The following ZNF701 variants were observed in gnomAD, a reference collection of about 807,000 sequenced individuals.
ZNF701 encodes zinc finger protein 701.
In ZNF701, 6 loss-of-function variants were observed where a neutral mutation model predicts 7.1. The ratio of observed to expected loss-of-function variants is 0.84; its 90% CI spans 0.46 to 1.66. The LOEUF (loss-of-function observed/expected upper bound fraction) is 1.66, where lower values mean the gene tolerates loss of function less well. Ranked by LOEUF, ZNF701 falls within the 40% of genes most tolerant of loss-of-function variation. The pLI is 0.01. For synonymous variants in ZNF701, 166 were observed against 188.2 expected (o/e 0.88, Z 0.97); for missense variants, 541 against 559.2 (o/e 0.97, Z 0.33).
At chr19:52,595,574 A>T in the ZNF701 span, 2 of 861,792 alleles carry the variant, frequency 2.3e-6, 1 homozygote, top group South Asian at 3.4e-5. Flanking sequence ...CTGGCCTACC[A>T]TCTGTACTTA....
At chr19:52,581,350 G>A (rs2146991970) in intron 3 of ZNF701, among the ~76,000 whole-genome samples, 1 of 152,182 alleles carries the variant, frequency 6.6e-6, no homozygotes. Flanking sequence ...CTCCCAAGTA[G>A]CTTGGATTAC....
At chr19:52,593,879 G>A in the ZNF701 span, among the ~76,000 whole-genome samples, 6 of 115,672 alleles carry the variant, frequency 5.2e-5, 1 homozygote, top group Non-Finnish European at 9.3e-5. Flanking sequence ...GACGATGGGC[G>A]GCCAGGCAGA....
At chr19:52,571,878 C>T (rs1479440898) in intron 1 of ZNF701, among the ~76,000 whole-genome samples, 1 of 151,892 alleles carries the variant, frequency 6.6e-6, no homozygotes, top group Admixed American at 6.6e-5. Context: ...TGCTGGAGTG[C>T]AATGGTGCGA....
intron 1 of ZNF701, chr19:52,572,537 G>A (rs1342586963): frequency 1.9e-6 from 1 of 534,810 alleles, no homozygotes; most frequent in Non-Finnish European, 2.9e-6. Flanking sequence ...GTTTTGATAA[G>A]GCCAACCCTT....
chr19:52,597,584 G>C, the ZNF701 span: 1 of 362,560 alleles, frequency 2.8e-6, no homozygotes, highest in South Asian at 2.1e-5. Flanking sequence ...GCTCATGCCT[G>C]TAATCCCAGC....
intron 1 of ZNF701, 90 bp from the exon 2 acceptor site, chr19:52,573,987 C>G: frequency 7.4e-7 from 1 of 1,356,464 alleles, no homozygotes. Context: ...CATATTTTTT[C>G]AGAGTGAGGG....
At chr19:52,597,185 C>G in the ZNF701 span, 1 of 578,944 alleles carries the variant, frequency 1.7e-6, no homozygotes, top group Non-Finnish European at 3.4e-6. Flanking sequence ...AATATCATGA[C>G]TGTGGCAAGG....
Position 52,583,272 on chromosome 19 carries a change from A to G in ZNF701, c.1213A>G (p.Thr405Ala). ...SSLVMHKVIH[T>A]GEKRYKCNEC... ...TCTTGTAATGCATAAGGTCATTCAT[A>G]CTGGAGAGAAACGTTACAAGTGTAA... Residue 405 changes from threonine to alanine, a missense_variant, in exon 4 of 4, where the codon ACT (threonine) becomes GCT (alanine). Transcript: ENST00000391785. 1.2e-6 allele frequency: 2 copies of G among 1,613,836 alleles called. No individual in the cohort carries two copies. Among genetic ancestry groups the G allele is most frequent in the African/African-American group, 2.7e-5 (2 of 74,992 alleles).
chr19:52,595,830 T>G, the ZNF701 span: 1 of 1,611,272 alleles, frequency 6.2e-7, no homozygotes, highest in East Asian at 2.2e-5. Context: ...ACCAAAGAGT[T>G]GACAGGTAGT....
At position 52,583,942 on chromosome 19, in the gene ZNF701, A is replaced by G. The variant is rs1313730505; in HGVS notation, c.*485A>G. ...TTGCAGTTCATTGGCGATCTTATACAGGAGAGAAATCTTACAAATGTGATG... is the reference window on the plus strand; with the variant it reads ...TTGCAGTTCATTGGCGATCTTATACGGGAGAGAAATCTTACAAATGTGATG... On this transcript the variant is annotated 3_prime_UTR_variant, in exon 4 of 4. Coordinates refer to ENST00000391785, the MANE Select transcript of ZNF701 (RefSeq NM_018260.3). 2 of 402,160 alleles carry G rather than the reference A, an allele frequency of 5.0e-6. No individual in the cohort carries two copies. Among genetic ancestry groups the G allele is most frequent in the South Asian group, 2.0e-5 (1 of 50,598 alleles). The allele number at this position is 402,160 out of a possible 1,614,324, so 24.9% of individuals were successfully genotyped here.
chr19:52,590,539 C>T (rs1254107304), downstream of ZNF701, among the ~76,000 whole-genome samples: 2 of 152,254 alleles, frequency 1.3e-5, no homozygotes, highest in Middle Eastern at 3.4e-3. Context: ...TCATTTTCTT[C>T]ATGCATTGCT....
Position 52,583,470 on chromosome 19 carries a change from G to A in ZNF701, c.*13G>A. 1 of 1,609,392 alleles carries A rather than the reference G, an allele frequency of 6.2e-7. No individual in the cohort carries two copies. The highest frequency in any genetic ancestry group is 8.5e-7 in the Non-Finnish European group (1 of 1,177,338). ...AAAGAAATCTTAGAAGTGTAAATTT[G>A]CAAGGTTTTTAGGCAACAGTCAAAC... On this transcript the variant is annotated 3_prime_UTR_variant, in exon 4 of 4. Coordinates refer to ENST00000391785, the MANE Select transcript of ZNF701 (RefSeq NM_018260.3).
rs329936 is a variant in ZNF701, at chr19:52,585,315, C to T, written c.*1858C>T. On this transcript the variant is annotated 3_prime_UTR_variant, in exon 4 of 4. Transcript: ENST00000391785. ...GAGGGCAGCGCTGCAGCCCCACTCC[C>T]GGGAAGGCCGCGTCCTCTGCCTGGT... 15,406 of 152,450 alleles carry T rather than the reference C, an allele frequency of 0.1. 1,893 individuals are homozygous for T. Among genetic ancestry groups the T allele is most frequent in the African/African-American group, 0.3 (12,379 of 41,408 alleles). 9.4% of individuals were successfully genotyped at this position (152,450 alleles called of 1,614,324 possible). A position where few individuals can be genotyped will look rare whatever the true frequency, so the allele number is the denominator to read the frequency against.
At chr19:52,596,984 C>T in the ZNF701 span, 1 of 882,192 alleles carries the variant, frequency 1.1e-6, no homozygotes, top group Non-Finnish European at 1.8e-6. Flanking sequence ...ATCAAGCAAT[C>T]CATGGTGTAG....
Position 52,571,383 on chromosome 19 carries a change from A to G in ZNF701, c.-72+1053A>G, listed in dbSNP as rs372751604. ...AGAGTGGGGACGGGGGGTAAAACAG[A>G]GAAGAGAGAATTTAACAGGGAGAGC... On this transcript the variant is annotated intron_variant, in intron 1 of 3. Coordinates refer to ENST00000391785, the MANE Select transcript of ZNF701 (RefSeq NM_018260.3). Among the ~76,000 whole-genome samples the G allele has an allele frequency of 6.9e-4, 105 of 152,148 alleles. 1 individual carries two copies. The highest frequency in any genetic ancestry group is 2.1e-3 in the South Asian group (10 of 4,818).
the ZNF701 span, chr19:52,595,643 T>A: frequency 8.3e-7 from 1 of 1,203,558 alleles, no homozygotes; most frequent in South Asian, 1.5e-5. Context: ...CATGATGGAG[T>A]TCTCATCAAC....
At chr19:52,581,392 G>T (rs182322231) in intron 3 of ZNF701, among the ~76,000 whole-genome samples, 39 of 152,124 alleles carry the variant, frequency 2.6e-4, no homozygotes, top group African/African-American at 8.9e-4. Flanking sequence ...GCTACTTTTT[G>T]TATGTTTAGT....
chr19:52,598,589 G>A, the ZNF701 span: 1 of 152,168 alleles, frequency 6.6e-6, no homozygotes, highest in African/African-American at 2.4e-5. Flanking sequence ...ACTCCCAGGA[G>A]TGGAGGATAA....
chr19:52,582,307 G>A lies in ZNF701; in HGVS notation c.248G>A (p.Gly83Glu), dbSNP rs761895707. ...TLQIHASHHI[G>E]DTCFQEIEKD... ...CAAATACATGCAAGTCATCACATTG[G>A]AGATACTTGCTTCCAGGAAATTGAG... Residue 83 changes from glycine to glutamate, a missense_variant, in exon 4 of 4, where the codon GGA (glycine) becomes GAA (glutamate). Coordinates refer to ENST00000391785, the MANE Select transcript of ZNF701 (RefSeq NM_018260.3). The A allele has an allele frequency of 6.2e-7, 1 of 1,614,028 alleles. No individual in the cohort carries two copies. The highest frequency in any genetic ancestry group is 1.1e-5 in the South Asian group (1 of 91,042).
Sources: gnomAD v4.1 joint callset for allele counts (sites outside exome capture counted in the v4.1 genomes callset) on GRCh38, gnomAD v4.1.1 for gene constraint, MANE v1.5 for transcripts, NCBI Gene and HGNC (gene_info 2026-07-23, HGNC 2026-07-21) for gene names.